Variants in ROBO2 observed in about 807,000 individuals in gnomAD.
The protein encoded by ROBO2 is roundabout guidance receptor 2, also known as roundabout homolog 2.
ROBO2 carries 53 observed loss-of-function variants against 160.8 expected under a neutral mutation model. The observed-to-expected ratio is 0.33, with a 90% CI of 0.26 to 0.41. The LOEUF is 0.41. ROBO2 is among the 10% of genes least tolerant of loss of function. The pLI, the probability that ROBO2 is intolerant of heterozygous loss-of-function variation, is 1.00. For synonymous variants in ROBO2, 664 were observed against 611.7 expected, an observed-to-expected ratio of 1.09 and a Z score of -1.26; for missense variants, 1,577 against 1,722.4, an observed-to-expected ratio of 0.92 and a Z score of 1.49.
intron 21 of ROBO2, 146 bp from the exon 23 acceptor site, chr3:77,617,367 G>A (rs2094803518): frequency 1.2e-6 from 1 of 823,408 alleles, no homozygotes; most frequent in Non-Finnish European, 2.0e-6. Context: ...GTGATTTACT[G>A]TGGTGACACC....
At chr3:75,927,612 T>A (rs1947339212) in intron 1 of ROBO2, among the ~76,000 whole-genome samples, 1 of 152,286 alleles carries the variant, frequency 6.6e-6, no homozygotes, top group South Asian at 2.1e-4. Flanking sequence ...AAATATATGT[T>A]CCACACAGAA....
intron 2 of ROBO2, among the ~76,000 whole-genome samples, chr3:76,490,390 A>G (rs984222866): frequency 1.3e-5 from 2 of 152,230 alleles, no homozygotes; most frequent in Non-Finnish European, 2.9e-5. Context: ...TGGAACCCCA[A>G]TAGTTCTGAT....
intron 2 of ROBO2, among the ~76,000 whole-genome samples, chr3:77,217,885 G>A (rs566038597): frequency 7.9e-5 from 12 of 152,072 alleles, no homozygotes; most frequent in African/African-American, 1.9e-4. Flanking sequence ...CAAAAGAACC[G>A]AAAAAAGTAA....
chr3:76,044,564 TTC>T (rs2067386858), intron 2 of ROBO2, among the ~76,000 whole-genome samples: 1 of 151,892 alleles, frequency 6.6e-6, no homozygotes, highest in African/African-American at 2.4e-5. Flanking sequence ...CATTCATTCA[TTC>T]ATTCATTCAT....
At chr3:76,336,221 G>C (rs541668245) in intron 2 of ROBO2, among the ~76,000 whole-genome samples, 1 of 99,264 alleles carries the variant, frequency 1.0e-5, no homozygotes, top group Non-Finnish European at 2.4e-5. Context: ...CTGTATGTAC[G>C]TAGCAAGAAG....
intron 2 of ROBO2, among the ~76,000 whole-genome samples, chr3:77,458,514 T>C (rs185405323): frequency 5.3e-5 from 8 of 152,174 alleles, no homozygotes; most frequent in African/African-American, 1.9e-4. Flanking sequence ...GGTGCCATAG[T>C]TGGTTATACA....
At chr3:76,491,876 C>G (rs531912517) in intron 2 of ROBO2, among the ~76,000 whole-genome samples, 1 of 152,280 alleles carries the variant, frequency 6.6e-6, no homozygotes, top group African/African-American at 2.4e-5. Context: ...AGAAGGATCA[C>G]CTGGGTTCAG....
chr3:77,271,890 C>T (rs1420410146), intron 2 of ROBO2, among the ~76,000 whole-genome samples: 4 of 152,112 alleles, frequency 2.6e-5, no homozygotes, highest in African/African-American at 9.7e-5. Context: ...CCAGAGGGTT[C>T]GCGTGCTATT....
chr3:75,917,972 A>G (rs1005595972), intron 1 of ROBO2, among the ~76,000 whole-genome samples: 29 of 151,920 alleles, frequency 1.9e-4, no homozygotes, highest in Non-Finnish European at 1.0e-4. Flanking sequence ...ATTTTCTCAT[A>G]TTTTGTAGTT....
chr3:77,509,580 T>C (rs2153614585), intron 5 of ROBO2, among the ~76,000 whole-genome samples: 1 of 152,164 alleles, frequency 6.6e-6, no homozygotes, highest in East Asian at 1.9e-4. Context: ...GAATAGAAGA[T>C]ATAACTTGAA....
At chr3:76,021,734 C>G (rs529829947) in intron 2 of ROBO2, among the ~76,000 whole-genome samples, 224 of 151,820 alleles carry the variant, frequency 1.5e-3, no homozygotes, top group African/African-American at 5.2e-3. Context: ...AAAATGCTAA[C>G]GATTATCTAT....
intron 2 of ROBO2, among the ~76,000 whole-genome samples, chr3:76,183,304 C>A (rs1701598266): frequency 6.6e-6 from 1 of 152,084 alleles, no homozygotes. Flanking sequence ...TGCTCAAAAT[C>A]TTAGACTATC....
exon 26 of ROBO2, chr3:77,646,386 T>C (rs2095412838): frequency 4.1e-6 from 1 of 243,198 alleles, no homozygotes; most frequent in Non-Finnish European, 7.8e-6. Flanking sequence ...GCTCTGCTCA[T>C]ATTATTGTCT....
At chr3:77,248,012 C>T (rs1474411796) in intron 2 of ROBO2, among the ~76,000 whole-genome samples, 7 of 152,102 alleles carry the variant, frequency 4.6e-5, no homozygotes, top group Non-Finnish European at 1.0e-4. Context: ...ACCCCACCCC[C>T]GTCCTGTGCC....
chr3:77,457,003 C>T (rs138006144), intron 2 of ROBO2, among the ~76,000 whole-genome samples: 77 of 152,284 alleles, frequency 5.1e-4, no homozygotes, highest in African/African-American at 1.7e-3. Flanking sequence ...TTCAGATAAA[C>T]CTTGCTATTT....
intron 2 of ROBO2, among the ~76,000 whole-genome samples, chr3:76,045,684 G>A (rs2107787972): frequency 6.6e-6 from 1 of 151,840 alleles, no homozygotes; most frequent in Admixed American, 6.6e-5. Context: ...TGATTATTTT[G>A]TGCATCAAGT....
At chr3:77,208,170 T>A (rs2083659736) in intron 2 of ROBO2, among the ~76,000 whole-genome samples, 1 of 152,188 alleles carries the variant, frequency 6.6e-6, no homozygotes, top group East Asian at 1.9e-4. Context: ...ATTTATTCAT[T>A]TCATGACCTT....
chr3:77,021,863 C>CG (rs1248146909), intron 2 of ROBO2, among the ~76,000 whole-genome samples: 4 of 152,154 alleles, frequency 2.6e-5, no homozygotes, highest in Non-Finnish European at 4.4e-5. Context: ...TGTCAGAGGA[C>CG]TAAGCAGGAA....
intron 2 of ROBO2, among the ~76,000 whole-genome samples, chr3:76,498,979 G>A (rs115613234): frequency 3.3e-5 from 5 of 152,064 alleles, no homozygotes; most frequent in East Asian, 1.9e-4. Context: ...GAGCCACTGC[G>A]CCCAGCAGTT....
Sources: allele counts gnomAD v4.1 joint callset (sites outside exome capture counted in the v4.1 genomes callset), GRCh38; gene constraint gnomAD v4.1.1; transcripts MANE v1.5; gene names NCBI Gene and HGNC (gene_info 2026-07-23, HGNC 2026-07-21).